Variants in ZNF708 observed in about 807,000 individuals in gnomAD.
ZNF708 encodes the protein ZNF15, ZNF15L1.
A neutral mutation model predicts 47.0 loss-of-function variants in ZNF708; 44 were observed. The ratio of observed to expected loss-of-function variants is 0.94; its 90% CI spans 0.74 to 1.20. ZNF708 has a LOEUF of 1.20. Ranked by LOEUF, ZNF708 falls within the 50% of genes most tolerant of loss-of-function variation. The pLI, the probability that ZNF708 is intolerant of heterozygous loss-of-function variation, is 0.00. For synonymous variants in ZNF708, 184 were observed against 218.5 expected (o/e 0.84, Z 1.39); for missense variants, 557 against 656.0 (o/e 0.85, Z 1.65).
At chr19:21,309,544 C>A (rs746184090) in intron 2 of ZNF708, among the ~76,000 whole-genome samples, 21 of 151,990 alleles carry the variant, frequency 1.4e-4, no homozygotes, top group Non-Finnish European at 2.6e-4. Context: ...CTTGTCTCTA[C>A]TGAAAATACA....
chr19:21,315,614 CTT>C (rs1165627017), intron 1 of ZNF708, among the ~76,000 whole-genome samples: 1 of 152,116 alleles, frequency 6.6e-6, no homozygotes, highest in Non-Finnish European at 1.5e-5. Flanking sequence ...GGAATATATA[CTT>C]TGATTAGCAG....
At chr19:21,320,912 C>G (rs544991392) in intron 1 of ZNF708, among the ~76,000 whole-genome samples, 1 of 151,624 alleles carries the variant, frequency 6.6e-6, no homozygotes, top group Admixed American at 6.6e-5. Context: ...GAGGCCGAGG[C>G]GGGTGGATCA....
chr19:21,327,593 A>G (rs1599695562), intron 1 of ZNF708, among the ~76,000 whole-genome samples: 1 of 151,750 alleles, frequency 6.6e-6, no homozygotes, highest in African/African-American at 2.4e-5. Context: ...CACCCACCCC[A>G]TTCTGCTCAC....
chr19:21,308,174 C>G (rs554454590), intron 3 of ZNF708, among the ~76,000 whole-genome samples: 3 of 151,514 alleles, frequency 2.0e-5, no homozygotes, highest in African/African-American at 7.3e-5. Context: ...CCATATTATC[C>G]AAAGTGAGCT....
intron 1 of ZNF708, among the ~76,000 whole-genome samples, chr19:21,313,808 G>A (rs1422607194): frequency 6.6e-6 from 1 of 150,934 alleles, no homozygotes; most frequent in Admixed American, 6.6e-5. Flanking sequence ...ACAGACAGAT[G>A]AGAGGATTAC....
At chr19:21,312,666 T>C (rs1024622432) in intron 1 of ZNF708, among the ~76,000 whole-genome samples, 1 of 152,034 alleles carries the variant, frequency 6.6e-6, no homozygotes, top group African/African-American at 2.4e-5. Flanking sequence ...CTCTACGTAA[T>C]GGGATTCTGC....
At position 21,293,183 on chromosome 19, in the gene ZNF708, G is replaced by T; in HGVS notation, c.*91C>A. The stretch of plus-strand genomic sequence containing the variant: ...GGATTAAGAGCCAGTTAAAGGCTTT[G>T]CCACATTTATCACATTTGTAGGATT... On this transcript the variant is annotated 3_prime_UTR_variant, in exon 4 of 4. Transcript: ENST00000356929. 2 of 1,437,788 alleles carry T rather than the reference G, an allele frequency of 1.4e-6. No homozygotes were observed. The highest frequency in any genetic ancestry group is 1.3e-5 in the South Asian group (1 of 78,974). 89.1% of individuals were successfully genotyped at this position (1,437,788 alleles called of 1,614,324 possible). A position where few individuals can be genotyped will look rare whatever the true frequency, so the allele number is the denominator to read the frequency against.
chr19:21,321,963 A>G (rs1973155299), intron 1 of ZNF708, among the ~76,000 whole-genome samples: 1 of 151,838 alleles, frequency 6.6e-6, no homozygotes, highest in Non-Finnish European at 1.5e-5. Context: ...GTGGGGCTGT[A>G]CTCTAATTTA....
chr19:21,317,277 C>T (rs1217172107), intron 1 of ZNF708, among the ~76,000 whole-genome samples: 1 of 152,080 alleles, frequency 6.6e-6, no homozygotes, highest in East Asian at 1.9e-4. Context: ...GAGACTCCAT[C>T]TCAACAACAA....
rs1049575458 is a variant in ZNF708, at chr19:21,293,944, C to T, written c.1022G>A (p.Cys341Tyr). The change falls in exon 4 of 4, where the codon TGT becomes TAT. Residue 341 changes from cysteine to tyrosine, a missense_variant. Transcript: ENST00000356929. ...TGAAAATACACTAAAAGCTTTGCCA[C>T]ATTCTTCACATTTGTAGGGTTTCTC... ...TGEKPYKCEECGKAFSVFSTL... is the reference protein window; with the variant it reads ...TGEKPYKCEEYGKAFSVFSTL... The T allele has an allele frequency of 1.9e-6, 3 of 1,613,454 alleles. No individual in the cohort carries two copies. Among genetic ancestry groups the T allele is most frequent in the Non-Finnish European group, 2.5e-6 (3 of 1,179,860 alleles).
At chr19:21,320,753 A>ATACT (rs1973112297) in intron 1 of ZNF708, among the ~76,000 whole-genome samples, 1 of 133,286 alleles carries the variant, frequency 7.5e-6, no homozygotes, top group African/African-American at 2.9e-5. Context: ...ACATCATGAA[A>ATACT]TACTCTCTGG....
intron 3 of ZNF708, among the ~76,000 whole-genome samples, 159 bp downstream of exon 3, chr19:21,309,087 G>A (rs572281852): frequency 6.6e-6 from 1 of 152,252 alleles, no homozygotes; most frequent in East Asian, 1.9e-4. Context: ...GAATTTAAAA[G>A]CATAAGACAG....
intron 1 of ZNF708, among the ~76,000 whole-genome samples, chr19:21,328,883 C>T (rs1310662570): frequency 6.6e-6 from 1 of 152,182 alleles, no homozygotes; most frequent in Non-Finnish European, 1.5e-5. Flanking sequence ...TGAACCCGAC[C>T]CCAAGTCAGG....
At chr19:21,323,421 TG>T (rs1396664096) in intron 1 of ZNF708, among the ~76,000 whole-genome samples, 2 of 152,236 alleles carry the variant, frequency 1.3e-5, no homozygotes, top group Non-Finnish European at 2.9e-5. Flanking sequence ...CTGACTTCAG[TG>T]TGAAACATTC....
chr19:21,315,891 T>C (rs888392631), intron 1 of ZNF708, among the ~76,000 whole-genome samples: 12 of 151,736 alleles, frequency 7.9e-5, no homozygotes, highest in African/African-American at 2.4e-4. Flanking sequence ...CATTTTAATG[T>C]CTCTCTGAGA....
At chr19:21,299,493 G>A (rs1324080402) in intron 3 of ZNF708, among the ~76,000 whole-genome samples, 1 of 152,010 alleles carries the variant, frequency 6.6e-6, no homozygotes, top group Non-Finnish European at 1.5e-5. Flanking sequence ...GCTCATGCCT[G>A]TAATCCCAGC....
chr19:21,297,335 G>A (rs1972559737), intron 3 of ZNF708, among the ~76,000 whole-genome samples: 1 of 124,980 alleles, frequency 8.0e-6, no homozygotes, highest in South Asian at 2.6e-4. Flanking sequence ...AGGCTGGCAT[G>A]ATCTCAGCTC....
chr19:21,314,689 C>T (rs1972968442), intron 1 of ZNF708, among the ~76,000 whole-genome samples: 1 of 152,172 alleles, frequency 6.6e-6, no homozygotes, highest in African/African-American at 2.4e-5. Context: ...CTCCAGATCT[C>T]CTCCTTGTTT....
intron 1 of ZNF708, chr19:21,328,115 G>T: frequency 1.8e-6 from 1 of 559,704 alleles, no homozygotes; most frequent in Non-Finnish European, 2.3e-6. Context: ...ACATCACTCC[G>T]TAAAGTTTCC....
Sources: gnomAD v4.1 joint callset for allele counts (sites outside exome capture counted in the v4.1 genomes callset) on GRCh38, gnomAD v4.1.1 for gene constraint, MANE v1.5 for transcripts, NCBI Gene and HGNC (gene_info 2026-07-23, HGNC 2026-07-21) for gene names.